TANC1: variants seen among roughly 807,000 people sequenced by gnomAD.
The protein encoded by TANC1 is protein TANC1.
Under a neutral mutation model 149.7 loss-of-function variants are expected in TANC1, and 77 were observed. The observed-to-expected ratio is 0.51, with a 90% CI of 0.43 to 0.62. The LOEUF (loss-of-function observed/expected upper bound fraction) is 0.62, where lower values mean the gene tolerates loss of function less well. TANC1 is among the 20% of genes least tolerant of loss of function. The probability of loss-of-function intolerance (pLI) is 0.00; values close to 1 mark genes in which losing one functional copy is unlikely to be tolerated. For missense variants in TANC1, 1,985 were observed against 2,321.8 expected (o/e 0.85, Z 2.98); for synonymous variants, 854 against 925.0 (o/e 0.92, Z 1.39).
chr2:159,091,450 G>C (rs959734120), intron 3 of TANC1, among the ~76,000 whole-genome samples: 1 of 152,166 alleles, frequency 6.6e-6, no homozygotes, highest in Non-Finnish European at 1.5e-5. Flanking sequence ...GTTTGGGGGT[G>C]GGAGTTTTTC....
intron 2 of TANC1, among the ~76,000 whole-genome samples, chr2:159,020,813 T>C (rs1046343819): frequency 6.6e-6 from 1 of 152,172 alleles, no homozygotes; most frequent in East Asian, 1.9e-4. Context: ...CACACACATC[T>C]GTTGAGTTAT....
At chr2:159,185,581 A>T (rs1393055106) in intron 14 of TANC1, among the ~76,000 whole-genome samples, 2 of 152,188 alleles carry the variant, frequency 1.3e-5, no homozygotes, top group African/African-American at 2.4e-5. Flanking sequence ...CTATTCATGC[A>T]TGCATTCCAG....
At chr2:159,019,469 A>G (rs188722638) in intron 2 of TANC1, among the ~76,000 whole-genome samples, 107 of 152,270 alleles carry the variant, frequency 7.0e-4, no homozygotes, top group Non-Finnish European at 8.8e-5. Context: ...AAAACAAAGC[A>G]TATGGGCCAC....
chr2:159,162,686 T>G (rs556754543), intron 7 of TANC1, among the ~76,000 whole-genome samples: 1 of 152,234 alleles, frequency 6.6e-6, no homozygotes, highest in African/African-American at 2.4e-5. Context: ...GCGCTGGATA[T>G]GGGAAGGTTT....
chr2:159,165,066 T>C (rs1453440105), intron 8 of TANC1, among the ~76,000 whole-genome samples: 1 of 152,230 alleles, frequency 6.6e-6, no homozygotes, highest in Non-Finnish European at 1.5e-5. Context: ...TTGATCACTT[T>C]ATTAACTTCA....
chr2:159,025,838 T>C (rs2039296103), intron 2 of TANC1, among the ~76,000 whole-genome samples: 1 of 152,242 alleles, frequency 6.6e-6, no homozygotes, highest in South Asian at 2.1e-4. Flanking sequence ...GGAAGGCCTT[T>C]TCAGGGATTC....
intron 14 of TANC1, among the ~76,000 whole-genome samples, chr2:159,185,553 T>A (rs2056891834): frequency 1.3e-5 from 2 of 152,224 alleles, no homozygotes; most frequent in South Asian, 4.1e-4. Context: ...GGCCCAGGGA[T>A]GGTTCTGTGC....
chr2:159,067,397 A>T (rs193272714), intron 3 of TANC1, among the ~76,000 whole-genome samples: 1 of 152,214 alleles, frequency 6.6e-6, no homozygotes, highest in African/African-American at 2.4e-5. Flanking sequence ...CCAGTTTTTA[A>T]TGACCTAAAC....
intron 3 of TANC1, among the ~76,000 whole-genome samples, chr2:159,075,072 G>C (rs1038641104): frequency 2.6e-5 from 4 of 151,942 alleles, no homozygotes; most frequent in Admixed American, 1.3e-4. Context: ...TTCATCTATA[G>C]CACTTTAATG....
intron 19 of TANC1, among the ~76,000 whole-genome samples, chr2:159,208,248 T>C (rs1312393613): frequency 6.6e-6 from 1 of 152,242 alleles, no homozygotes; most frequent in Non-Finnish European, 1.5e-5. Context: ...AATATGTTAA[T>C]GTATGCTATA....
intron 3 of TANC1, among the ~76,000 whole-genome samples, chr2:159,095,249 G>A (rs545004593): frequency 6.6e-6 from 1 of 152,224 alleles, no homozygotes; most frequent in Non-Finnish European, 1.5e-5. Context: ...CCCAGCCCTA[G>A]TGAGTTTTCT....
rs564808979 is a variant in TANC1, at chr2:159,152,215, C to G, written c.682+1659C>G. Among the ~76,000 whole-genome samples, 9 of 152,310 alleles carry G rather than the reference C, an allele frequency of 5.9e-5. No homozygotes were observed. The East Asian group carries it at 1.7e-3, about 29-fold the overall frequency. On this transcript the variant is annotated intron_variant, in intron 7 of 26. Transcript: ENST00000263635. Reference sequence around the variant, plus strand: ...CCAGCTGCTGTTTAGTCTAGTTCAGCTAATTTTTCCCAGCGTTACTTCTGT... The same window carrying G: ...CCAGCTGCTGTTTAGTCTAGTTCAGGTAATTTTTCCCAGCGTTACTTCTGT...
chr2:159,096,426 G>A (rs2046143918), intron 3 of TANC1, among the ~76,000 whole-genome samples: 1 of 151,158 alleles, frequency 6.6e-6, no homozygotes, highest in South Asian at 2.1e-4. Context: ...AGAAATGCTT[G>A]TTCCCTGGTG....
chr2:159,115,286 G>A lies in TANC1; in HGVS notation c.259+17452G>A, dbSNP rs16843713. On this transcript the variant is annotated intron_variant, in intron 4 of 26. Coordinates refer to ENST00000263635, the MANE Select transcript of TANC1 (RefSeq NM_033394.3). ...CTATGACAGAGTTAAGCAGAAGAGG[G>A]ATGAAATAAATAGATTTGGTTTCTA... is the stretch of plus-strand genomic sequence containing the variant. 7.1e-3 allele frequency among the ~76,000 whole-genome samples: 1,076 copies of A among 152,154 alleles called. 8 individuals are homozygous for A. Among genetic ancestry groups the A allele is most frequent in the African/African-American group, 0.024 (1,013 of 41,490 alleles).
At chr2:159,017,525 G>A (rs759075062) in intron 2 of TANC1, among the ~76,000 whole-genome samples, 22 of 152,058 alleles carry the variant, frequency 1.4e-4, no homozygotes, top group Non-Finnish European at 3.1e-4. Context: ...ATTTGCAGTG[G>A]TCCTGAGTTT....
intron 8 of TANC1, among the ~76,000 whole-genome samples, chr2:159,165,997 G>C (rs894065051): frequency 6.6e-6 from 1 of 152,202 alleles, no homozygotes; most frequent in African/African-American, 2.4e-5. Context: ...ATAAAAATAA[G>C]TTGGCTAGGT....
At chr2:159,177,908 A>C (rs967856527) in intron 13 of TANC1, among the ~76,000 whole-genome samples, 2 of 152,254 alleles carry the variant, frequency 1.3e-5, no homozygotes, top group African/African-American at 2.4e-5. Flanking sequence ...AGTGAAAATT[A>C]GTGACACTGT....
chr2:159,178,776 A>G lies in TANC1; in HGVS notation c.2123A>G (p.Lys708Arg), dbSNP rs1376618328. Residue 708 changes from lysine (K) to arginine (R), a missense_variant, in exon 14 of 27, where the codon AAG becomes AGG. By Grantham distance (26) the Lys-to-Arg change is conservative. Transcript: ENST00000263635. ...AGCCTCGGCTCCTACCTGTACCTCA[A>G]GCTCACCCTGGACCTTTTCCAGAGG... ...LRSLGSYLYL[K>R]LTLDLFQRGH... is the part of the protein sequence containing the mutation. 1.9e-6 allele frequency: 3 copies of G among 1,614,190 alleles called. No homozygotes were observed. The highest frequency in any genetic ancestry group is 1.3e-5 in the African/African-American group (1 of 75,056).
chr2:159,049,229 T>C (rs1167383803), intron 2 of TANC1, among the ~76,000 whole-genome samples: 1 of 152,228 alleles, frequency 6.6e-6, no homozygotes, highest in African/African-American at 2.4e-5. Context: ...AAAATTGTCC[T>C]GTAAATTTAG....
Sources: gnomAD v4.1 joint callset for allele counts (sites outside exome capture counted in the v4.1 genomes callset) on GRCh38, gnomAD v4.1.1 for gene constraint, MANE v1.5 for transcripts, NCBI Gene and HGNC (gene_info 2026-07-23, HGNC 2026-07-21) for gene names.